CACNA2D3: variants seen among roughly 807,000 people sequenced by gnomAD.
CACNA2D3 encodes the protein calcium voltage-gated channel auxiliary subunit alpha2delta 3.
Under a neutral mutation model 160.6 loss-of-function variants are expected in CACNA2D3, and 60 were observed. The ratio of observed to expected loss-of-function variants is 0.37; its 90% CI spans 0.30 to 0.46. The LOEUF (loss-of-function observed/expected upper bound fraction) is 0.46, where lower values mean the gene tolerates loss of function less well. Among genes scored for constraint, CACNA2D3 ranks in the 20% least tolerant of loss-of-function variants. CACNA2D3 has a pLI of 1.00. For missense variants in CACNA2D3, 1,205 were observed against 1,365.0 expected (o/e 0.88, Z 1.85); for synonymous variants, 558 against 492.9 (o/e 1.13, Z -1.75).
intron 17 of CACNA2D3, among the ~76,000 whole-genome samples, chr3:54,863,116 A>T (rs1056621563): frequency 6.6e-6 from 1 of 152,140 alleles, no homozygotes; most frequent in African/African-American, 2.4e-5. Flanking sequence ...GTTTCTGAAA[A>T]CTTTTATGAA....
chr3:54,159,724 A>G (rs1700307714), intron 2 of CACNA2D3, among the ~76,000 whole-genome samples: 1 of 152,180 alleles, frequency 6.6e-6, no homozygotes, highest in Admixed American at 6.5e-5. Context: ...TTAAAAATCT[A>G]ATTTGACCAA....
intron 4 of CACNA2D3, among the ~76,000 whole-genome samples, chr3:54,500,709 A>G (rs1022185850): frequency 3.3e-5 from 5 of 151,718 alleles, no homozygotes; most frequent in African/African-American, 1.2e-4. Flanking sequence ...CATATAAATT[A>G]TGCTTCCTTT....
chr3:54,359,507 T>G (rs1219186557), intron 3 of CACNA2D3, among the ~76,000 whole-genome samples: 1 of 152,184 alleles, frequency 6.6e-6, no homozygotes, highest in African/African-American at 2.4e-5. Flanking sequence ...AGCTTAGGCC[T>G]GGATGACAAA....
intron 11 of CACNA2D3, among the ~76,000 whole-genome samples, chr3:54,683,962 C>T (rs1288756077): frequency 9.0e-6 from 1 of 110,828 alleles, no homozygotes; most frequent in African/African-American, 4.3e-5. Context: ...AAATTTCCAC[C>T]TTTTTTTTTT....
intron 2 of CACNA2D3, among the ~76,000 whole-genome samples, chr3:54,215,364 C>A (rs963395837): frequency 1.5e-4 from 23 of 152,286 alleles, no homozygotes; most frequent in African/African-American, 5.1e-4. Context: ...TCTACTGTTA[C>A]AGCGTTTTTA....
At chr3:54,136,290 A>T (rs954891162) in intron 2 of CACNA2D3, among the ~76,000 whole-genome samples, 1 of 152,224 alleles carries the variant, frequency 6.6e-6, no homozygotes, top group African/African-American at 2.4e-5. Context: ...TTTATTCAAC[A>T]CTAATAAACT....
Position 54,892,957 on chromosome 3 carries a change from T to G in CACNA2D3, c.2246+1507T>G, listed in dbSNP as rs542295022. On this transcript the variant is annotated intron_variant, in intron 25 of 37. Coordinates refer to ENST00000474759, the MANE Select transcript of CACNA2D3 (RefSeq NM_018398.3). ...CCTGAAAAGTGAGAGCGATGATCTC[T>G]TTTGGTTACTGTGAAGATCAAAAAA... 2.0e-5 allele frequency among the ~76,000 whole-genome samples: 3 copies of G among 152,290 alleles called. No homozygotes were observed. In the South Asian group the frequency reaches 6.2e-4, roughly 32 times the overall value.
intron 4 of CACNA2D3, among the ~76,000 whole-genome samples, chr3:54,438,948 A>G (rs1375517): frequency 0.23 from 35,564 of 152,156 alleles, 5,395 homozygotes; most frequent in African/African-American, 0.44. Flanking sequence ...TACATTTTGT[A>G]CCTCCTATAA....
At position 54,163,704 on chromosome 3, in the gene CACNA2D3, C is replaced by T. The variant is rs1393303398; in HGVS notation, c.204+40110C>T. Among the ~76,000 whole-genome samples, 7 of 152,024 alleles carry T rather than the reference C, an allele frequency of 4.6e-5. No homozygotes were observed. In the South Asian group the frequency reaches 6.2e-4, roughly 14 times the overall value. On this transcript the variant is annotated intron_variant, in intron 2 of 37. Transcript: ENST00000474759. ...AATGACATAATCTAGTTTGCATTTG[C>T]GGAAGATCCCATGCAGAAACAAATG...
intron 34 of CACNA2D3, among the ~76,000 whole-genome samples, chr3:55,011,535 G>A (rs1575434809): frequency 6.6e-6 from 1 of 151,868 alleles, no homozygotes; most frequent in African/African-American, 2.4e-5. Context: ...AAAGAAAAAT[G>A]ATTCTGTTTC....
intron 2 of CACNA2D3, among the ~76,000 whole-genome samples, chr3:54,296,691 A>G (rs1286682004): frequency 1.3e-5 from 2 of 152,192 alleles, no homozygotes; most frequent in Non-Finnish European, 2.9e-5. Flanking sequence ...TGCCGTTTGA[A>G]TAATGATCCC....
chr3:54,229,414 C>A (rs998539584), intron 2 of CACNA2D3, among the ~76,000 whole-genome samples: 2 of 152,100 alleles, frequency 1.3e-5, no homozygotes, highest in Non-Finnish European at 2.9e-5. Context: ...AGGATGGTCT[C>A]AATCTCCTGA....
intron 4 of CACNA2D3, among the ~76,000 whole-genome samples, chr3:54,493,239 G>A (rs894676539): frequency 1.6e-4 from 24 of 151,596 alleles, no homozygotes; most frequent in African/African-American, 5.1e-4. Context: ...TACCACACCC[G>A]GCTAATTTTT....
At chr3:54,811,371 C>T (rs1703308246) in intron 13 of CACNA2D3, among the ~76,000 whole-genome samples, 1 of 151,272 alleles carries the variant, frequency 6.6e-6, no homozygotes, top group Admixed American at 6.6e-5. Flanking sequence ...TATCATGATC[C>T]AGGCTATCAT....
intron 4 of CACNA2D3, among the ~76,000 whole-genome samples, chr3:54,435,302 C>T (rs971943091): frequency 2.0e-5 from 3 of 152,168 alleles, no homozygotes; most frequent in Admixed American, 6.5e-5. Context: ...AAGATTGTGT[C>T]ATCTCTCCGA....
At chr3:54,423,332 A>C (rs1699866084) in intron 4 of CACNA2D3, among the ~76,000 whole-genome samples, 1 of 152,192 alleles carries the variant, frequency 6.6e-6, no homozygotes, top group Non-Finnish European at 1.5e-5. Context: ...GTAAATATTC[A>C]TTGGTGTCTA....
At chr3:54,364,610 A>C (rs1176059830) in intron 3 of CACNA2D3, among the ~76,000 whole-genome samples, 8 of 152,248 alleles carry the variant, frequency 5.3e-5, no homozygotes, top group Admixed American at 5.2e-4. Context: ...AAGGATGGCA[A>C]ATGGAAGAAA....
intron 35 of CACNA2D3, among the ~76,000 whole-genome samples, chr3:55,049,989 A>G (rs1704155243): frequency 6.6e-6 from 1 of 150,592 alleles, no homozygotes; most frequent in African/African-American, 2.5e-5. Context: ...TTTTGAGCCT[A>G]TGTGTGTCTC....
At chr3:54,491,299 A>G (rs1701105140) in intron 4 of CACNA2D3, among the ~76,000 whole-genome samples, 1 of 152,224 alleles carries the variant, frequency 6.6e-6, no homozygotes, top group Non-Finnish European at 1.5e-5. Flanking sequence ...GCGAGAAGCT[A>G]CAGGAGGAAT....
Sources: gnomAD v4.1 joint callset for allele counts (sites outside exome capture counted in the v4.1 genomes callset) on GRCh38, gnomAD v4.1.1 for gene constraint, MANE v1.5 for transcripts, NCBI Gene and HGNC (gene_info 2026-07-23, HGNC 2026-07-21) for gene names.